Variants in DMD observed in about 807,000 individuals in gnomAD.
DMD encodes the protein mutant dystrophin.
DMD carries 63 observed loss-of-function variants against 330.1 expected under a neutral mutation model. That is an observed-to-expected ratio of 0.19 (90% CI 0.16 to 0.24). The LOEUF (loss-of-function observed/expected upper bound fraction) is 0.24. Ranked by LOEUF, DMD falls within the 10% of genes least tolerant of loss-of-function variation. The pLI, the probability that DMD is intolerant of heterozygous loss-of-function variation, is 1.00. For missense variants in DMD, 3,344 were observed against 2,684.1 expected, an observed-to-expected ratio of 1.25 and a Z score of -5.43; for synonymous variants, 1,223 against 959.8, an observed-to-expected ratio of 1.27 and a Z score of -5.07.
At chrX:32,465,582 G>GTTTTTTGTTT (rs2098399319) in intron 23 of DMD, among the ~76,000 whole-genome samples, 1 of 76,646 alleles carries the variant, frequency 1.3e-5, no homozygotes, top group African/African-American at 5.0e-5. Context: ...TTTGTTTTTT[G>GTTTTTTGTTT]TTTTTTTTTT....
At chrX:32,761,433 GTAGA>G (rs2072276769) in intron 7 of DMD, among the ~76,000 whole-genome samples, 1 of 112,019 alleles carries the variant, frequency 8.9e-6, no homozygotes. Flanking sequence ...AGCTTTTGGA[GTAGA>G]CAGACTCAGT....
At chrX:33,067,166 C>T (rs1346991558) in intron 1 of DMD, among the ~76,000 whole-genome samples, 1 of 111,979 alleles carries the variant, frequency 8.9e-6, no homozygotes, top group Non-Finnish European at 1.9e-5. Flanking sequence ...CGTATACCTA[C>T]TCGATCCTAC....
rs367757761 is a variant in DMD, at chrX:33,020,214, T to C, written c.32-14A>G. ...CTTCTCTTTCATCTAAAATGCAAAA[T>C]AAAAAAATAAAAGTTAGGAAGCAAC... On this transcript the variant is annotated splice_polypyrimidine_tract_variant and intron_variant, in intron 1 of 78. Coordinates refer to ENST00000357033, the MANE Select transcript of DMD (RefSeq NM_004006.3). 2.5e-5 allele frequency: 28 copies of C among 1,109,479 alleles called. No individual in the cohort carries two copies. In the African/African-American group the frequency reaches 4.5e-4, roughly 18 times the overall value. 91.4% of individuals were successfully genotyped at this position (1,109,479 alleles called of 1,213,427 possible).
chrX:33,332,233 C>A (rs752463313), intron 1 of DMD, among the ~76,000 whole-genome samples: 1 of 111,204 alleles, frequency 9.0e-6, no homozygotes, highest in African/African-American at 3.3e-5. Context: ...GAAAATAAAC[C>A]ATAAAAAGAT....
intron 9 of DMD, among the ~76,000 whole-genome samples, chrX:32,647,248 C>G (rs1054269236): frequency 9.0e-6 from 1 of 111,590 alleles, no homozygotes; most frequent in Non-Finnish European, 1.9e-5. Flanking sequence ...GATGCACATG[C>G]GCAGAGGAGA....
At chrX:32,896,287 C>CT (rs1294440536) in intron 2 of DMD, among the ~76,000 whole-genome samples, 20 of 111,707 alleles carry the variant, frequency 1.8e-4, no homozygotes, top group African/African-American at 6.5e-4. Flanking sequence ...GCAGGTTTTA[C>CT]TTTAACGCCT....
At chrX:32,846,140 A>C (rs983739455) in intron 3 of DMD, among the ~76,000 whole-genome samples, 1 of 112,078 alleles carries the variant, frequency 8.9e-6, no homozygotes, top group Non-Finnish European at 1.9e-5. Flanking sequence ...ACTTCGTAGT[A>C]TGTGCCAAGT....
At chrX:33,307,420 G>A (rs185324478) in intron 1 of DMD, among the ~76,000 whole-genome samples, 16 of 112,466 alleles carry the variant, frequency 1.4e-4, no homozygotes, top group African/African-American at 5.2e-4. Context: ...GGCTGGGCAC[G>A]GTGGCTCACG....
chrX:31,625,965 TA>T (rs1386471785), intron 55 of DMD, among the ~76,000 whole-genome samples: 1 of 111,569 alleles, frequency 9.0e-6, no homozygotes, highest in Non-Finnish European at 1.9e-5. Context: ...GGGTAAAATG[TA>T]AACCCATGTA....
At chrX:32,120,019 A>G (rs1294605943) in intron 44 of DMD, among the ~76,000 whole-genome samples, 1 of 112,226 alleles carries the variant, frequency 8.9e-6, no homozygotes, top group Non-Finnish European at 1.9e-5. Context: ...AGCATATTGC[A>G]CAGTTCCTAC....
rs996327526 is a variant in DMD at position 32,502,742 on chromosome X, T to G, written c.2293-900A>C. Among the ~76,000 whole-genome samples the G allele has an allele frequency of 3.6e-5, 4 of 112,278 alleles. No individual in the cohort carries two copies. In the South Asian group the frequency reaches 1.5e-3, roughly 41 times the overall value. Reference sequence around the variant, plus strand: ...TTGAATTTGAGGCAGAAGGTTATTCTACATGAGACTATTTTTTAAGACTTC... The same window carrying G: ...TTGAATTTGAGGCAGAAGGTTATTCGACATGAGACTATTTTTTAAGACTTC... On this transcript the variant is annotated intron_variant, in intron 18 of 78. Coordinates refer to ENST00000357033, the MANE Select transcript of DMD (RefSeq NM_004006.3).
In DMD at chrX:33,014,519, T is replaced by A. The variant is rs56798145; in HGVS notation, c.93+5620A>T. 0.045 allele frequency among the ~76,000 whole-genome samples: 5,011 copies of A among 111,370 alleles called. 292 individuals are homozygous for A. The highest frequency in any genetic ancestry group is 0.15 in the African/African-American group (4,741 of 30,615). ...TTTCTCACCAGTCAGATTGTTGGGG[T>A]TACTAGTTGCTGCAGGAACAGATTC... On this transcript the variant is annotated intron_variant, in intron 2 of 78. Coordinates refer to ENST00000357033, the MANE Select transcript of DMD (RefSeq NM_004006.3).
intron 1 of DMD, among the ~76,000 whole-genome samples, chrX:33,029,832 T>C (rs1458640798): frequency 2.7e-5 from 3 of 111,952 alleles, no homozygotes; most frequent in Admixed American, 1.9e-4. Flanking sequence ...TCCAAGAGTA[T>C]ATGAAAAGGT....
intron 44 of DMD, among the ~76,000 whole-genome samples, chrX:32,168,414 T>C (rs772116383): frequency 5.4e-5 from 6 of 110,251 alleles, no homozygotes; most frequent in Non-Finnish European, 7.6e-5. Context: ...AATGCTCTTA[T>C]GCTCTTCCTC....
intron 1 of DMD, among the ~76,000 whole-genome samples, chrX:33,243,588 T>TA (rs1471285622): frequency 2.7e-5 from 3 of 112,281 alleles, no homozygotes; most frequent in Non-Finnish European, 5.6e-5. Context: ...ATTAAAAAGA[T>TA]ACCTCACTCA....
At chrX:33,027,321 T>A (rs1009253175) in intron 1 of DMD, among the ~76,000 whole-genome samples, 6 of 111,420 alleles carry the variant, frequency 5.4e-5, no homozygotes, top group Admixed American at 9.6e-5. Flanking sequence ...GTGAGCCAAA[T>A]AACGTGGGAA....
chrX:32,156,374 G>A (rs985728209), intron 44 of DMD, among the ~76,000 whole-genome samples: 4 of 112,121 alleles, frequency 3.6e-5, no homozygotes, highest in South Asian at 3.7e-4. Context: ...GCGAGACTTC[G>A]TCTCAAAAAA....
At chrX:32,589,499 T>A (rs1184154598) in intron 13 of DMD, among the ~76,000 whole-genome samples, 1 of 110,534 alleles carries the variant, frequency 9.0e-6, no homozygotes, top group East Asian at 2.8e-4. Context: ...TATAGAAACA[T>A]AAAGAGATGT....
chrX:32,818,948 C>G (rs375023856), intron 5 of DMD, among the ~76,000 whole-genome samples: 1 of 108,631 alleles, frequency 9.2e-6, no homozygotes, highest in Non-Finnish European at 1.9e-5. Flanking sequence ...ATAGGGTCTA[C>G]GTCACAGCTC....
Sources: gnomAD v4.1 joint callset for allele counts (sites outside exome capture counted in the v4.1 genomes callset) on GRCh38, gnomAD v4.1.1 for gene constraint, MANE v1.5 for transcripts, NCBI Gene and HGNC (gene_info 2026-07-23, HGNC 2026-07-21) for gene names.